Variants in TEX29 observed in about 807,000 individuals in gnomAD.
TEX29 encodes the protein testis expressed 29.
A neutral mutation model predicts 18.2 loss-of-function variants in TEX29; 26 were observed. The observed-to-expected ratio is 1.43, with a 90% CI of 1.04 to 1.98. TEX29 has a LOEUF of 1.98. TEX29 is among the 30% of genes most tolerant of loss of function. The probability of loss-of-function intolerance (pLI) is 0.00; values close to 1 mark genes in which losing one functional copy is unlikely to be tolerated. For missense variants in TEX29, 177 were observed against 194.2 expected (o/e 0.91, Z 0.53); for synonymous variants, 83 against 78.5 (o/e 1.06, Z -0.31).
At chr13:111,317,696 T>C (rs933862402), upstream of TEX29, among the ~76,000 whole-genome samples, 1 of 152,230 alleles carries the variant, frequency 6.6e-6, no homozygotes, top group Admixed American at 6.5e-5. Flanking sequence ...AGCAGAGCTT[T>C]CTTCTCGCTG....
chr13:111,326,396 C>CCGCTGGTGGG (rs1395464515), intron 2 of TEX29, among the ~76,000 whole-genome samples: 3 of 146,948 alleles, frequency 2.0e-5, no homozygotes, highest in Non-Finnish European at 4.5e-5. Context: ...CAGCGTGAGG[C>CCGCTGGTGGG]TGTCTGGTGG....
chr13:111,316,237 G>A (rs371330033), upstream of TEX29: 3 of 506,106 alleles, frequency 5.9e-6, no homozygotes, highest in African/African-American at 5.8e-5. Flanking sequence ...AAGGAAGACA[G>A]GAAGTAACAG....
intron 2 of TEX29, 56 bp downstream of exon 2, chr13:111,321,004 G>GGGGC: frequency 1.8e-6 from 1 of 545,392 alleles, no homozygotes. Flanking sequence ...TTGGGGGGGG[G>GGGGC]CACAGGGAGG....
At chr13:111,321,632 A>AAC (rs1003215952) in intron 2 of TEX29, among the ~76,000 whole-genome samples, 6 of 152,084 alleles carry the variant, frequency 3.9e-5, no homozygotes, top group Admixed American at 6.6e-5. Flanking sequence ...AAACAAAAAA[A>AAC]AACCCAAGAA....
upstream of TEX29, among the ~76,000 whole-genome samples, chr13:111,317,700 C>T (rs746253898): frequency 7.9e-5 from 12 of 152,242 alleles, no homozygotes; most frequent in Non-Finnish European, 1.8e-4. Flanking sequence ...GAGCTTTCTT[C>T]TCGCTGGCTC....
At chr13:111,326,418 C>T (rs1431754490) in intron 2 of TEX29, among the ~76,000 whole-genome samples, 13 of 145,696 alleles carry the variant, frequency 8.9e-5, no homozygotes, top group South Asian at 2.2e-4. Context: ...GTGGAGGAGA[C>T]GGTGGGCAGC....
intron 2 of TEX29, among the ~76,000 whole-genome samples, chr13:111,323,181 T>A (rs2093667474): frequency 6.6e-6 from 1 of 152,162 alleles, no homozygotes; most frequent in Non-Finnish European, 1.5e-5. Context: ...ATGTCCACAC[T>A]CACTCATCCG....
intron 2 of TEX29, among the ~76,000 whole-genome samples, chr13:111,325,451 A>T: frequency 6.6e-6 from 1 of 152,176 alleles, no homozygotes; most frequent in East Asian, 1.9e-4. Flanking sequence ...TAGAGGGAGC[A>T]GGGAGCTGCA....
intron 3 of TEX29, among the ~76,000 whole-genome samples, chr13:111,335,118 T>C (rs1223158678): frequency 6.6e-6 from 1 of 152,218 alleles, no homozygotes; most frequent in African/African-American, 2.4e-5. Context: ...GTTCTCATTG[T>C]TTTTATGGAG....
chr13:111,327,794 G>C (rs750771857), intron 2 of TEX29, among the ~76,000 whole-genome samples: 1 of 152,204 alleles, frequency 6.6e-6, no homozygotes, highest in Non-Finnish European at 1.5e-5. Context: ...CTCAGGCCAT[G>C]CTGCTAATTC....
At chr13:111,317,235 G>T (rs1425341086), upstream of TEX29, among the ~76,000 whole-genome samples, 3 of 152,152 alleles carry the variant, frequency 2.0e-5, no homozygotes, top group East Asian at 5.8e-4. Flanking sequence ...GCTTCACGGA[G>T]TGAGGAATCA....
At chr13:111,334,112 T>G (rs533223373) in intron 3 of TEX29, among the ~76,000 whole-genome samples, 20 of 152,364 alleles carry the variant, frequency 1.3e-4, no homozygotes, top group African/African-American at 4.3e-4. Context: ...GCATTTTTTA[T>G]GTATATGGCC....
intron 3 of TEX29, among the ~76,000 whole-genome samples, chr13:111,337,592 T>C (rs1041343032): frequency 2.6e-5 from 4 of 152,028 alleles, no homozygotes; most frequent in African/African-American, 9.7e-5. Context: ...TGGGAACATC[T>C]ATCTAGGGTG....
Position 111,328,075 on chromosome 13 carries a change from C to G in TEX29, c.59-108C>G. On this transcript the variant is annotated intron_variant, in intron 2 of 5. Transcript: ENST00000283547. ...CGTAATTGAGAAAATAACAAAACCACAACACAAACCCACAGCTGCTCCCCA... is the reference window on the plus strand; with the variant it reads ...CGTAATTGAGAAAATAACAAAACCAGAACACAAACCCACAGCTGCTCCCCA... 2.7e-5 allele frequency: 18 copies of G among 674,164 alleles called. No homozygotes were observed. In the South Asian group the frequency reaches 3.1e-4, roughly 11 times the overall value. The allele number at this position is 674,164 out of a possible 1,614,324, so 41.8% of individuals were successfully genotyped here. A position where few individuals can be genotyped will look rare whatever the true frequency, so the allele number is the denominator to read the frequency against.
chr13:111,331,375 A>C (rs2093682576), intron 3 of TEX29, among the ~76,000 whole-genome samples: 1 of 147,246 alleles, frequency 6.8e-6, no homozygotes, highest in East Asian at 2.0e-4. Context: ...AAGTCTATTC[A>C]AGTCCTTTGC....
chr13:111,336,021 G>A (rs2093689205), intron 3 of TEX29, among the ~76,000 whole-genome samples: 1 of 152,220 alleles, frequency 6.6e-6, no homozygotes, highest in African/African-American at 2.4e-5. Flanking sequence ...TTAAAAGTGA[G>A]CCTTAATCCC....
At chr13:111,341,947 G>A (rs2093697228) in intron 4 of TEX29, among the ~76,000 whole-genome samples, 1 of 152,230 alleles carries the variant, frequency 6.6e-6, no homozygotes, top group African/African-American at 2.4e-5. Context: ...CAGGCTCCCA[G>A]TTGTCTCAGA....
intron 3 of TEX29, among the ~76,000 whole-genome samples, chr13:111,335,545 T>C (rs1241793632): frequency 3.9e-5 from 6 of 152,236 alleles, no homozygotes; most frequent in Non-Finnish European, 7.3e-5. Flanking sequence ...GCTGCTCACG[T>C]TGCACATGCA....
At position 111,328,234 on chromosome 13, in the gene TEX29, G is replaced by A. The variant is rs781602465; in HGVS notation, c.110G>A (p.Arg37Gln). Residue 37 changes from arginine to glutamine, a missense_variant, in exon 3 of 6, where the codon CGA becomes CAA. By Grantham distance (43) the Arg-to-Gln change is conservative. Coordinates refer to ENST00000283547, the MANE Select transcript of TEX29 (RefSeq NM_152324.3). Reference protein sequence around the residue: ...DICDYNVSRDRCQELGCCFYE... With the variant: ...DICDYNVSRDQCQELGCCFYE... ...TGTGACTACAACGTCTCCAGGGACC[G>A]ATGCCAGGAGCTCGGGTGCTGCTTC... The A allele has an allele frequency of 5.4e-5, 87 of 1,613,698 alleles. No individual in the cohort carries two copies. The highest frequency in any genetic ancestry group is 1.1e-4 in the East Asian group (5 of 44,854).
Sources: gnomAD v4.1 joint callset for allele counts (sites outside exome capture counted in the v4.1 genomes callset) on GRCh38, gnomAD v4.1.1 for gene constraint, MANE v1.5 for transcripts, NCBI Gene and HGNC (gene_info 2026-07-23, HGNC 2026-07-21) for gene names.